Variants in UBE2R2 observed in about 807,000 individuals in gnomAD.
UBE2R2 encodes the protein ubiquitin conjugating enzyme E2 R2, also known as ubiquitin-conjugating enzyme E2 R2.
In UBE2R2, 1 loss-of-function variant was observed where a neutral mutation model predicts 27.8. The ratio of observed to expected loss-of-function variants is 0.04; its 90% CI spans 0.01 to 0.17. The LOEUF (loss-of-function observed/expected upper bound fraction) is 0.17, where lower values mean the gene tolerates loss of function less well. Ranked by LOEUF, UBE2R2 falls within the 10% of genes least tolerant of loss-of-function variation. UBE2R2 has a pLI of 1.00. For synonymous variants in UBE2R2, 106 were observed against 113.3 expected (o/e 0.94, Z 0.41); for missense variants, 100 against 291.0 (o/e 0.34, Z 4.78).
At chr9:33,867,549 T>C (rs564674260) in intron 1 of UBE2R2, among the ~76,000 whole-genome samples, 4 of 152,126 alleles carry the variant, frequency 2.6e-5, no homozygotes, top group Non-Finnish European at 5.9e-5. Flanking sequence ...ATGAGAGTTA[T>C]GGTAGTTTTG....
At chr9:33,851,832 A>G (rs1313575284) in intron 1 of UBE2R2, among the ~76,000 whole-genome samples, 1 of 152,168 alleles carries the variant, frequency 6.6e-6, no homozygotes, top group Non-Finnish European at 1.5e-5. Context: ...TAGTAATGGT[A>G]TACATTCACA....
chr9:33,912,401 G>A (rs1019150945), intron 4 of UBE2R2, among the ~76,000 whole-genome samples: 1 of 152,194 alleles, frequency 6.6e-6, no homozygotes, highest in East Asian at 1.9e-4. Flanking sequence ...GAGGCAGGCG[G>A]ATCACCTGAG....
chr9:33,827,649 A>T (rs905854228), intron 1 of UBE2R2, among the ~76,000 whole-genome samples: 12 of 151,956 alleles, frequency 7.9e-5, no homozygotes, highest in African/African-American at 2.4e-4. Context: ...CTAAAAAAAA[A>T]AATTAATTAA....
chr9:33,822,049 A>G (rs1048454844), intron 1 of UBE2R2, among the ~76,000 whole-genome samples: 2 of 151,722 alleles, frequency 1.3e-5, no homozygotes, highest in Non-Finnish European at 2.9e-5. Flanking sequence ...AGTTTTCCTT[A>G]TTAGGAACAT....
intron 1 of UBE2R2, among the ~76,000 whole-genome samples, chr9:33,864,363 C>A (rs188995861): frequency 1.1e-4 from 16 of 152,162 alleles, no homozygotes; most frequent in Admixed American, 3.9e-4. Flanking sequence ...TTAGCCATAA[C>A]AAACCATTCA....
intron 1 of UBE2R2, among the ~76,000 whole-genome samples, chr9:33,830,532 C>T (rs1010762380): frequency 1.3e-5 from 2 of 148,308 alleles, no homozygotes; most frequent in African/African-American, 4.9e-5. Context: ...TTTGGGAGGT[C>T]GAGGTGGGCA....
chr9:33,886,442 G>A (rs1429565763), intron 1 of UBE2R2, among the ~76,000 whole-genome samples: 1 of 152,158 alleles, frequency 6.6e-6, no homozygotes, highest in Admixed American at 6.6e-5. Context: ...GGATCACAAG[G>A]TCAAGAGATT....
chr9:33,816,006 G>A (rs149162934), upstream of UBE2R2, among the ~76,000 whole-genome samples: 2 of 152,078 alleles, frequency 1.3e-5, no homozygotes, highest in Non-Finnish European at 2.9e-5. Flanking sequence ...CCTGGGAGGC[G>A]GAGGTTGCAG....
At chr9:33,913,455 T>C (rs938361982) in intron 4 of UBE2R2, among the ~76,000 whole-genome samples, 1 of 151,862 alleles carries the variant, frequency 6.6e-6, no homozygotes, top group African/African-American at 2.4e-5. Context: ...AGAGATGAGG[T>C]CTTGCTGTGT....
Position 33,852,107 on chromosome 9 carries a change from C to T in UBE2R2, c.177+34173C>T, listed in dbSNP as rs554124572. Among the ~76,000 whole-genome samples, 6 of 151,832 alleles carry T rather than the reference C, an allele frequency of 4.0e-5. No individual in the cohort carries two copies. In the South Asian group the frequency reaches 6.3e-4, roughly 16 times the overall value. On this transcript the variant is annotated intron_variant, in intron 1 of 4. Transcript: ENST00000263228. ...GTGAGGACTGCTGAGACCAGGAGTT[C>T]GACATCAGCCTAGGCAACATAGTGA...
intron 2 of UBE2R2, among the ~76,000 whole-genome samples, chr9:33,891,719 T>C (rs1256085378): frequency 6.6e-6 from 1 of 152,108 alleles, no homozygotes; most frequent in Non-Finnish European, 1.5e-5. Flanking sequence ...TGTATAGATA[T>C]ATTACTGCAG....
intron 2 of UBE2R2, among the ~76,000 whole-genome samples, chr9:33,897,024 A>ATTTTTTTTTTTTT (rs749987839): frequency 2.5e-5 from 1 of 40,634 alleles, no homozygotes; most frequent in African/African-American, 1.0e-4. Context: ...CTGTGGCCTA[A>ATTTTTTTTTTTTT]TTTTTTTTTT....
intron 2 of UBE2R2, among the ~76,000 whole-genome samples, chr9:33,893,584 G>C (rs1224788591): frequency 6.6e-6 from 1 of 152,108 alleles, no homozygotes; most frequent in Non-Finnish European, 1.5e-5. Flanking sequence ...TACATACCTA[G>C]GAGTGGAATT....
In UBE2R2 at chr9:33,917,408, C is replaced by A; in HGVS notation, c.*171C>A. ...ATCTCAGTTTGCTCCTTTTTATGGA[C>A]CTTTAATGGAGAGAGAGTAACCCTC... On this transcript the variant is annotated 3_prime_UTR_variant, in exon 5 of 5. Coordinates refer to ENST00000263228, the MANE Select transcript of UBE2R2 (RefSeq NM_017811.4). 1.1e-6 allele frequency: 1 copy of A among 916,788 alleles called. No individual in the cohort carries two copies. The highest frequency in any genetic ancestry group is 1.6e-6 in the Non-Finnish European group (1 of 620,666). The allele number at this position is 916,788 out of a possible 1,614,324, so 56.8% of individuals were successfully genotyped here. A position where few individuals can be genotyped will look rare whatever the true frequency, so the allele number is the denominator to read the frequency against.
At chr9:33,883,726 A>G (rs1821784765) in intron 1 of UBE2R2, among the ~76,000 whole-genome samples, 2 of 151,324 alleles carry the variant, frequency 1.3e-5, no homozygotes, top group African/African-American at 4.9e-5. Context: ...AAAAAAAAAA[A>G]AAAAAGAAAT....
intron 1 of UBE2R2, among the ~76,000 whole-genome samples, chr9:33,840,722 T>C (rs1820715179): frequency 6.6e-6 from 1 of 152,140 alleles, no homozygotes; most frequent in South Asian, 2.1e-4. Context: ...GACATTCTAA[T>C]TGTGTGGGTT....
At chr9:33,849,690 TAAAA>T (rs71506141) in intron 1 of UBE2R2, among the ~76,000 whole-genome samples, 3 of 139,436 alleles carry the variant, frequency 2.2e-5, no homozygotes, top group Non-Finnish European at 3.1e-5. Flanking sequence ...CATCTCTACT[TAAAA>T]AAAAAAAAAA....
At chr9:33,843,860 T>C (rs1030792608) in intron 1 of UBE2R2, among the ~76,000 whole-genome samples, 9 of 152,246 alleles carry the variant, frequency 5.9e-5, no homozygotes, top group Non-Finnish European at 1.2e-4. Context: ...TTTGTTTTCA[T>C]CCAAATATTT....
At chr9:33,876,513 G>A (rs756968160) in intron 1 of UBE2R2, among the ~76,000 whole-genome samples, 8 of 152,150 alleles carry the variant, frequency 5.3e-5, no homozygotes, top group African/African-American at 1.4e-4. Context: ...TGTAAACTCC[G>A]CTGAAGGAGT....
Sources: allele counts gnomAD v4.1 joint callset (sites outside exome capture counted in the v4.1 genomes callset), GRCh38; gene constraint gnomAD v4.1.1; transcripts MANE v1.5; gene names NCBI Gene and HGNC (gene_info 2026-07-23, HGNC 2026-07-21).